Variants in MALRD1 observed in about 807,000 individuals in gnomAD.
MALRD1 encodes MAM and LDL-receptor class A domain-containing protein 1.
A neutral mutation model predicts 242.1 loss-of-function variants in MALRD1; 247 were observed. The ratio of observed to expected loss-of-function variants is 1.02; its 90% CI spans 0.92 to 1.13. MALRD1 has a LOEUF of 1.13. Among genes scored for constraint, MALRD1 ranks in the 50% most tolerant of loss-of-function variants. The pLI is 0.00. For synonymous variants in MALRD1, 995 were observed against 866.6 expected (o/e 1.15, Z -2.60); for missense variants, 2,989 against 2,533.1 (o/e 1.18, Z -3.86).
intron 38 of MALRD1, among the ~76,000 whole-genome samples, chr10:19,699,133 A>G (rs1011647797): frequency 1.3e-5 from 2 of 151,984 alleles, no homozygotes; most frequent in Non-Finnish European, 2.9e-5. Flanking sequence ...GGGTGCAGCA[A>G]ACCACCATGG....
At chr10:19,103,889 C>G (rs1164838867) in intron 4 of MALRD1, 90 bp from the exon 5 acceptor site, 1 of 690,922 alleles carries the variant, frequency 1.4e-6, no homozygotes. Flanking sequence ...GACATGCTTC[C>G]TATTGCAGGC....
intron 36 of MALRD1, among the ~76,000 whole-genome samples, chr10:19,643,247 C>T (rs1410378923): frequency 6.6e-6 from 1 of 151,748 alleles, no homozygotes; most frequent in Non-Finnish European, 1.5e-5. Context: ...GCCTGGCCAA[C>T]ATGGTGAAAC....
At chr10:19,264,739 C>A (rs1049249769) in intron 19 of MALRD1, among the ~76,000 whole-genome samples, 1 of 152,152 alleles carries the variant, frequency 6.6e-6, no homozygotes, top group Non-Finnish European at 1.5e-5. Context: ...AGGCGTGAGC[C>A]ACCACGCCCA....
intron 31 of MALRD1, among the ~76,000 whole-genome samples, chr10:19,516,625 G>GCTCCTCCTCTTCCTC (rs1301034170): frequency 6.6e-6 from 1 of 150,724 alleles, no homozygotes; most frequent in South Asian, 2.1e-4. Context: ...TCCTCCTCCT[G>GCTCCTCCTCTTCCTC]CTCCTCCTCT....
chr10:19,298,650 G>A (rs1252480098), intron 21 of MALRD1, among the ~76,000 whole-genome samples: 3 of 151,978 alleles, frequency 2.0e-5, no homozygotes, highest in Non-Finnish European at 4.4e-5. Context: ...AAAAGCATCA[G>A]CAGGACTAGA....
intron 28 of MALRD1, among the ~76,000 whole-genome samples, chr10:19,407,563 G>A (rs1300500738): frequency 6.6e-6 from 1 of 151,896 alleles, no homozygotes; most frequent in Non-Finnish European, 1.5e-5. Context: ...GACATACATA[G>A]GTATCACACC....
rs1307629865 is a variant in MALRD1 at position 19,566,590 on chromosome 10, T to G, written c.5479-912T>G. ...CCATGTGTTTTCTTTTCTCTGGGTCTTATTTTTCCCATGTGAAAAAAAGGG... is the reference window on the plus strand; with the variant it reads ...CCATGTGTTTTCTTTTCTCTGGGTCGTATTTTTCCCATGTGAAAAAAAGGG... On this transcript the variant is annotated intron_variant, in intron 32 of 39. Coordinates refer to ENST00000454679, the MANE Select transcript of MALRD1 (RefSeq NM_001142308.3). Among the ~76,000 whole-genome samples the G allele has an allele frequency of 2.6e-5, 4 of 151,388 alleles. No homozygotes were observed. In the East Asian group the frequency reaches 5.8e-4, roughly 22 times the overall value.
intron 31 of MALRD1, among the ~76,000 whole-genome samples, chr10:19,527,395 A>C (rs1470781007): frequency 1.3e-5 from 2 of 152,194 alleles, no homozygotes; most frequent in Non-Finnish European, 2.9e-5. Flanking sequence ...CAATTGGAGG[A>C]ATACATTTAC....
intron 1 of MALRD1, among the ~76,000 whole-genome samples, chr10:19,065,315 A>G (rs12761927): frequency 0.12 from 17,854 of 145,216 alleles, 1,305 homozygotes; most frequent in South Asian, 0.29. Context: ...AAAAAGGAAG[A>G]AAGAAAGAGA....
intron 33 of MALRD1, among the ~76,000 whole-genome samples, chr10:19,576,142 G>A (rs888056173): frequency 6.6e-5 from 10 of 152,202 alleles, no homozygotes; most frequent in African/African-American, 1.9e-4. Context: ...AACATTCAAG[G>A]GTAAGACTGG....
At chr10:19,530,281 G>A (rs1199083928) in intron 31 of MALRD1, among the ~76,000 whole-genome samples, 2 of 131,730 alleles carry the variant, frequency 1.5e-5, no homozygotes, top group Non-Finnish European at 3.3e-5. Flanking sequence ...ATTCATTTTT[G>A]TCATCTATAT....
Position 19,529,066 on chromosome 10 carries a change from G to A in MALRD1, c.5321-2128G>A, listed in dbSNP as rs536887830. On this transcript the variant is annotated intron_variant, in intron 31 of 39. Coordinates refer to ENST00000454679, the MANE Select transcript of MALRD1 (RefSeq NM_001142308.3). Reference sequence around the variant, plus strand: ...TGGCAGCCCACACACTTTGGTGAATGTTCCCTTCAGGAGCCCTCCCACATT... The same window carrying A: ...TGGCAGCCCACACACTTTGGTGAATATTCCCTTCAGGAGCCCTCCCACATT... 3.9e-5 allele frequency among the ~76,000 whole-genome samples: 6 copies of A among 152,180 alleles called. No homozygotes were observed. The South Asian group carries it at 1.2e-3, about 31-fold the overall frequency.
chr10:19,586,054 C>G (rs957637382), intron 33 of MALRD1, among the ~76,000 whole-genome samples: 2 of 152,144 alleles, frequency 1.3e-5, no homozygotes, highest in African/African-American at 4.8e-5. Flanking sequence ...ACGTAGTTTT[C>G]GAGCCTTGGT....
In MALRD1 at chr10:19,617,773, G is replaced by A. The variant is rs541184276; in HGVS notation, c.6137+1850G>A. Among the ~76,000 whole-genome samples, 440 of 151,830 alleles carry A rather than the reference G, an allele frequency of 2.9e-3. 1 individual carries two copies. The highest frequency in any genetic ancestry group is 0.01 in the African/African-American group (424 of 41,438). ...TATATTCTTTTAACATTTATTTTAG[G>A]TTCAGGGTTTATTTTAGGTTCAAAA... On this transcript the variant is annotated intron_variant, in intron 36 of 39. Transcript: ENST00000454679.
intron 19 of MALRD1, among the ~76,000 whole-genome samples, chr10:19,258,282 A>C (rs1350384079): frequency 6.6e-6 from 1 of 152,124 alleles, no homozygotes; most frequent in South Asian, 2.1e-4. Context: ...TCATATACTC[A>C]CTACCTACTC....
At chr10:19,547,818 ATTTTTTTT>A (rs869038128) in intron 32 of MALRD1, among the ~76,000 whole-genome samples, 25 of 16,894 alleles carry the variant, frequency 1.5e-3, no homozygotes, top group Admixed American at 3.0e-3. Flanking sequence ...ATATATATAT[ATTTTTTTT>A]TTTTTTTTTT....
chr10:19,674,110 C>T (rs1842042820), intron 36 of MALRD1, among the ~76,000 whole-genome samples: 1 of 151,962 alleles, frequency 6.6e-6, no homozygotes, highest in South Asian at 2.1e-4. Flanking sequence ...CATGAAAGCG[C>T]AAGATAGTCT....
intron 28 of MALRD1, among the ~76,000 whole-genome samples, chr10:19,445,324 T>G (rs879014363): frequency 6.6e-6 from 1 of 152,198 alleles, no homozygotes; most frequent in African/African-American, 2.4e-5. Flanking sequence ...TTGTCAAAGT[T>G]ATTCTCCATC....
At chr10:19,631,934 T>C (rs1589333661) in intron 36 of MALRD1, among the ~76,000 whole-genome samples, 1 of 152,202 alleles carries the variant, frequency 6.6e-6, no homozygotes, top group Admixed American at 6.5e-5. Flanking sequence ...TTCTGTAGGA[T>C]GTTTGTTTAC....
Sources: gnomAD v4.1 joint callset for allele counts (sites outside exome capture counted in the v4.1 genomes callset) on GRCh38, gnomAD v4.1.1 for gene constraint, MANE v1.5 for transcripts, NCBI Gene and HGNC (gene_info 2026-07-23, HGNC 2026-07-21) for gene names.